The following ADAMTS5 variants were observed in gnomAD, a reference collection of about 807,000 sequenced individuals.
The protein encoded by ADAMTS5 is A disintegrin and metalloproteinase with thrombospondin motifs 5.
In ADAMTS5, 54 loss-of-function variants were observed where a neutral mutation model predicts 81.4. The ratio of observed to expected loss-of-function variants is 0.66; its 90% confidence interval spans 0.53 to 0.83. ADAMTS5 has a LOEUF of 0.83. ADAMTS5 is among the 40% of genes least tolerant of loss of function. The pLI is 0.00. For missense variants in ADAMTS5, 1,194 were observed against 1,229.9 expected (o/e 0.97, Z 0.44); for synonymous variants, 532 against 508.8 (o/e 1.05, Z -0.61).
In ADAMTS5 at chr21:26,943,381, A is replaced by T; in HGVS notation, c.1404T>A (p.His468Gln). The change falls in exon 3 of 8, where the codon CAT becomes CAA. Residue 468 changes from histidine to glutamine, a missense_variant and splice_region_variant. This residue lies in a region of ADAMTS5 where 696 missense variants were observed against 817.6 expected (regional missense o/e 0.85). Coordinates refer to ENST00000284987, the MANE Select transcript of ADAMTS5 (RefSeq NM_007038.5). ...ATITEFLDDG[H>Q]GNCLLDLPRK... ...TGTGTTCTCCTAAATGATACATACC[A>T]TGGCCATCATCCAGGAATTCTGTGA... is the stretch of plus-strand genomic sequence containing the variant. 6.2e-7 allele frequency: 1 copy of T among 1,612,084 alleles called. No homozygotes were observed. The highest frequency in any genetic ancestry group is 1.3e-5 in the African/African-American group (1 of 74,920).
chr21:26,929,143 A>G (rs1280330756), intron 7 of ADAMTS5, among the ~76,000 whole-genome samples: 1 of 152,190 alleles, frequency 6.6e-6, no homozygotes, highest in Non-Finnish European at 1.5e-5. Flanking sequence ...TCGTTTGCAT[A>G]TTACTCTCAA....
intron 4 of ADAMTS5, 31 bp from the exon 5 acceptor site, chr21:26,933,075 C>T: frequency 4.4e-6 from 7 of 1,575,468 alleles, no homozygotes; most frequent in Non-Finnish European, 6.0e-6. Flanking sequence ...TATTTTAACT[C>T]CAATGAGAGA....
intron 4 of ADAMTS5, among the ~76,000 whole-genome samples, chr21:26,933,405 G>A (rs1287621493): frequency 1.3e-5 from 2 of 152,180 alleles, no homozygotes; most frequent in Non-Finnish European, 2.9e-5. Flanking sequence ...CCACTCTGAT[G>A]TTGGATCTTT....
chr21:26,945,161 A>C (rs1210463469), intron 2 of ADAMTS5, among the ~76,000 whole-genome samples: 1 of 151,938 alleles, frequency 6.6e-6, no homozygotes, highest in Non-Finnish European at 1.5e-5. Flanking sequence ...AAAAAAAAAA[A>C]AAACAATCTT....
At chr21:26,947,418 T>C (rs1987236025) in intron 2 of ADAMTS5, among the ~76,000 whole-genome samples, 1 of 152,048 alleles carries the variant, frequency 6.6e-6, no homozygotes, top group South Asian at 2.1e-4. Flanking sequence ...ATATTTATTT[T>C]CTTTTTTTCT....
Position 26,930,012 on chromosome 21 carries a change from C to A in ADAMTS5, c.2099G>T (p.Arg700Leu). Residue 700 changes from arginine to leucine, a missense_variant, in exon 7 of 8, where the codon CGG becomes CTG. Coordinates refer to ENST00000284987, the MANE Select transcript of ADAMTS5 (RefSeq NM_007038.5). ...CRLYSNSVCV[R>L]GKCVRTGCDG... Reference sequence around the variant, plus strand: ...ACAGCCAGTTCTCACACACTTCCCCCGGACGCAGACGGAATTACTGTACAG... The same window carrying A: ...ACAGCCAGTTCTCACACACTTCCCCAGGACGCAGACGGAATTACTGTACAG... The A allele has an allele frequency of 6.2e-7, 1 of 1,613,986 alleles. No individual in the cohort carries two copies. Among genetic ancestry groups the A allele is most frequent in the East Asian group, 2.2e-5 (1 of 44,872 alleles).
chr21:26,940,978 C>A (rs758891332), intron 3 of ADAMTS5, among the ~76,000 whole-genome samples: 1 of 152,070 alleles, frequency 6.6e-6, no homozygotes, highest in Non-Finnish European at 1.5e-5. Context: ...CAGGGAGTAC[C>A]ACTGTTTCAA....
chr21:26,956,430 C>T (rs576060014), intron 1 of ADAMTS5, among the ~76,000 whole-genome samples: 2 of 152,288 alleles, frequency 1.3e-5, no homozygotes, highest in Admixed American at 1.3e-4. Flanking sequence ...CCTGTATATC[C>T]TCCCATGTCA....
rs767232051 is a variant in ADAMTS5, at chr21:26,933,021, T to G, written c.1713A>C (p.Gly571=). 1.5e-5 allele frequency: 25 copies of G among 1,613,194 alleles called. No homozygotes were observed. The highest frequency in any genetic ancestry group is 2.1e-5 in the Non-Finnish European group (25 of 1,179,800). The change falls in exon 5 of 8, where the codon GGA becomes GGC. Residue 571 remains glycine, a synonymous_variant. Transcript: ENST00000284987. ...YYSTSSHGNW[G]SWGSWGQCSR... ...AACACTGGCCCCAGGATCCCCAAGA[T>G]CCCCAGTTGCCATGGCTTGACGTCT...
Position 26,923,521 on chromosome 21 carries a change from A to C in ADAMTS5, c.*532T>G, listed in dbSNP as rs1276145754. The C allele has an allele frequency of 6.5e-6, 1 of 152,874 alleles. No individual in the cohort carries two copies. Among genetic ancestry groups the C allele is most frequent in the East Asian group, 1.9e-4 (1 of 5,186 alleles). 9.5% of individuals were successfully genotyped at this position (152,874 alleles called of 1,614,324 possible). On this transcript the variant is annotated 3_prime_UTR_variant, in exon 8 of 8. Coordinates refer to ENST00000284987, the MANE Select transcript of ADAMTS5 (RefSeq NM_007038.5). ...GCAGCAAGTTCTTAATTTCCAGTAA[A>C]ATATCCACAGCTCTTTCTGGAAACG...
intron 1 of ADAMTS5, among the ~76,000 whole-genome samples, chr21:26,956,292 T>C (rs534486570): frequency 6.6e-6 from 1 of 152,292 alleles, no homozygotes; most frequent in Admixed American, 6.5e-5. Flanking sequence ...TGTGTTCTGT[T>C]TATTATGAGT....
At position 26,923,894 on chromosome 21, in the gene ADAMTS5, C is replaced by G; in HGVS notation, c.*159G>C. 1 of 728,660 alleles carries G rather than the reference C, an allele frequency of 1.4e-6. No individual in the cohort carries two copies. The highest frequency in any genetic ancestry group is 2.1e-5 in the South Asian group (1 of 46,528). 45.1% of individuals were successfully genotyped at this position (728,660 alleles called of 1,614,324 possible). On this transcript the variant is annotated 3_prime_UTR_variant, in exon 8 of 8. Transcript: ENST00000284987. The stretch of plus-strand genomic sequence containing the variant: ...TGTCACGTGAAGCAGTGCACATCCT[C>G]TTTTGGTCACAGAGAGCAGATTCTG...
At chr21:26,935,930 A>T (rs377109552) in intron 3 of ADAMTS5, among the ~76,000 whole-genome samples, 1 of 152,178 alleles carries the variant, frequency 6.6e-6, no homozygotes, top group Non-Finnish European at 1.5e-5. Context: ...TCCATTCTTT[A>T]CATATATGAG....
At chr21:26,931,322 G>A (rs939983636) in intron 6 of ADAMTS5, among the ~76,000 whole-genome samples, 10 of 152,100 alleles carry the variant, frequency 6.6e-5, no homozygotes, top group African/African-American at 2.4e-4. Flanking sequence ...TGGGATTACG[G>A]GTGTGAGCCA....
chr21:26,930,977 T>TA (rs1568839952), intron 6 of ADAMTS5, among the ~76,000 whole-genome samples: 2 of 152,298 alleles, frequency 1.3e-5, no homozygotes, highest in East Asian at 3.9e-4. Flanking sequence ...ACATGAGCTT[T>TA]AAAAAATTTC....
chr21:26,954,655 G>C, intron 2 of ADAMTS5, 84 bp downstream of exon 2: 1 of 1,552,594 alleles, frequency 6.4e-7, no homozygotes, highest in Non-Finnish European at 8.7e-7. Flanking sequence ...GAGAAATCTG[G>C]AATTAATTGC....
chr21:26,956,836 C>A (rs993567565), intron 1 of ADAMTS5, among the ~76,000 whole-genome samples: 1 of 152,178 alleles, frequency 6.6e-6, no homozygotes, highest in Non-Finnish European at 1.5e-5. Flanking sequence ...TTCTTAATAT[C>A]TCTCTGTTTA....
intron 3 of ADAMTS5, among the ~76,000 whole-genome samples, chr21:26,937,905 C>T (rs1987043426): frequency 6.6e-6 from 1 of 152,234 alleles, no homozygotes; most frequent in East Asian, 1.9e-4. Context: ...CTCCTTCTTC[C>T]TTTTGTTTTA....
rs1053508796 is a variant in ADAMTS5 at position 26,934,677 on chromosome 21, G to T, written c.1478C>A (p.Ala493Asp). 5.0e-6 allele frequency: 8 copies of T among 1,614,084 alleles called. No individual in the cohort carries two copies. Among genetic ancestry groups the T allele is most frequent in the Non-Finnish European group, 6.8e-6 (8 of 1,180,044 alleles). The change falls in exon 4 of 8, where the codon GCC becomes GAC. Residue 493 changes from alanine (A) to aspartate (D), a missense_variant. Transcript: ENST00000284987. ...PEELPGQTYD[A>D]TQQCNLTFGP... ...GAATGTCAGGTTGCACTGCTGGGTG[G>T]CATCGTAGGTCTGTCCTGGGAGTTC...
Sources: allele counts gnomAD v4.1 joint callset (sites outside exome capture counted in the v4.1 genomes callset), GRCh38; gene constraint gnomAD v4.1.1; regional missense constraint gnomAD v4.1.1; transcripts MANE v1.5; gene names NCBI Gene and HGNC (gene_info 2026-07-23, HGNC 2026-07-21).